NIBAN1: variants seen among roughly 807,000 people sequenced by gnomAD.
The protein encoded by NIBAN1 is protein Niban 1.
Under a neutral mutation model 75.1 loss-of-function variants are expected in NIBAN1, and 81 were observed. The observed-to-expected ratio is 1.08, with a 90% CI of 0.90 to 1.30. The LOEUF (loss-of-function observed/expected upper bound fraction) is 1.30. Ranked by LOEUF, NIBAN1 falls within the 50% of genes most tolerant of loss-of-function variation. The probability of loss-of-function intolerance (pLI) is 0.00; values close to 1 mark genes in which losing one functional copy is unlikely to be tolerated. For missense variants in NIBAN1, 1,133 were observed against 1,128.1 expected (o/e 1.00, Z -0.06); for synonymous variants, 436 against 424.8 (o/e 1.03, Z -0.32).
At chr1:184,919,490 G>C (rs1343873541) in intron 1 of NIBAN1, among the ~76,000 whole-genome samples, 2 of 152,190 alleles carry the variant, frequency 1.3e-5, no homozygotes, top group South Asian at 2.1e-4. Flanking sequence ...ATCCGATTCA[G>C]TGCAAAGGGG....
chr1:184,898,804 G>A (rs576003263), intron 2 of NIBAN1, among the ~76,000 whole-genome samples: 13 of 152,270 alleles, frequency 8.5e-5, no homozygotes, highest in African/African-American at 2.9e-4. Context: ...AACATTTGTC[G>A]AGGTGGTGGT....
intron 1 of NIBAN1, among the ~76,000 whole-genome samples, chr1:184,944,061 T>C (rs1401787466): frequency 1.3e-5 from 2 of 152,214 alleles, no homozygotes; most frequent in Non-Finnish European, 2.9e-5. Flanking sequence ...TGCTGATTGC[T>C]GTCTTTGTGT....
intron 5 of NIBAN1, among the ~76,000 whole-genome samples, chr1:184,879,308 G>A (rs918573626): frequency 2.6e-5 from 4 of 152,066 alleles, no homozygotes; most frequent in African/African-American, 7.2e-5. Context: ...AACATTATTA[G>A]TTTGTACTAA....
chr1:184,795,697 G>T lies in NIBAN1; in HGVS notation c.2067C>A (p.Thr689=). 6.2e-7 allele frequency: 1 copy of T among 1,613,996 alleles called. No homozygotes were observed. The highest frequency in any genetic ancestry group is 8.5e-7 in the Non-Finnish European group (1 of 1,179,952). The change falls in exon 14 of 14, where the codon ACC becomes ACA. Residue 689 remains threonine, a synonymous_variant. Transcript: ENST00000367511. The stretch of plus-strand genomic sequence containing the variant: ...CCTGGGCGGGTTCTTCATCCTCAAG[G>T]GTCCCTCCAAACTCCAGCTCTGATG... ...TCSSELEFGG[T]LEDEEPAQEE...
intron 5 of NIBAN1, among the ~76,000 whole-genome samples, chr1:184,840,709 A>G (rs1655263256): frequency 6.6e-6 from 1 of 150,958 alleles, no homozygotes; most frequent in South Asian, 2.1e-4. Context: ...TCAGATAGAC[A>G]TACTAGATTG....
At chr1:184,869,733 GT>G (rs1396832395) in intron 5 of NIBAN1, among the ~76,000 whole-genome samples, 6 of 151,950 alleles carry the variant, frequency 3.9e-5, no homozygotes, top group African/African-American at 1.5e-4. Flanking sequence ...GTAGAGATGG[GT>G]TTTCACCATG....
intron 6 of NIBAN1, among the ~76,000 whole-genome samples, chr1:184,829,522 G>C (rs1046149181): frequency 6.8e-6 from 1 of 148,120 alleles, no homozygotes; most frequent in Non-Finnish European, 1.5e-5. Flanking sequence ...GCTGGAGTAG[G>C]GTGGCATGAT....
chr1:184,885,831 C>G (rs1656510883), intron 4 of NIBAN1, among the ~76,000 whole-genome samples: 1 of 152,228 alleles, frequency 6.6e-6, no homozygotes, highest in South Asian at 2.1e-4. Flanking sequence ...ACAACCCCTT[C>G]TTTTGAAAAC....
At chr1:184,940,653 ATATGATTCC>A (rs1368038946) in intron 1 of NIBAN1, among the ~76,000 whole-genome samples, 1 of 152,246 alleles carries the variant, frequency 6.6e-6, no homozygotes, top group African/African-American at 2.4e-5. Context: ...TCTGATAATA[ATATGATTCC>A]TATTAACTTC....
intron 1 of NIBAN1, among the ~76,000 whole-genome samples, chr1:184,931,983 G>T (rs1657836792): frequency 6.6e-6 from 1 of 152,038 alleles, no homozygotes; most frequent in South Asian, 2.1e-4. Context: ...CTCATATACT[G>T]CCCAGCTATT....
In NIBAN1 at chr1:184,823,689, C is replaced by T. The variant is rs983886029; in HGVS notation, c.771G>A (p.Leu257=). The change falls in exon 7 of 14, where the codon CTG becomes CTA. Residue 257 remains leucine, a synonymous_variant. Coordinates refer to ENST00000367511, the MANE Select transcript of NIBAN1 (RefSeq NM_052966.4). ...EELLPTLQTD[L]LPKMKGKKND... ...TCTTCTTCCCCTTCATCTTAGGCAG[C>T]AGGTCTGTCTGAAGAGTGGGCAGGA... is the stretch of plus-strand genomic sequence containing the variant. 1.2e-6 allele frequency: 2 copies of T among 1,614,028 alleles called. No individual in the cohort carries two copies. The highest frequency in any genetic ancestry group is 1.7e-6 in the Non-Finnish European group (2 of 1,179,992).
chr1:184,820,944 G>A (rs1381268578), intron 8 of NIBAN1, among the ~76,000 whole-genome samples: 2 of 152,116 alleles, frequency 1.3e-5, no homozygotes, highest in East Asian at 1.9e-4. Context: ...TGGCATTATC[G>A]TTTTTTCCAG....
intron 5 of NIBAN1, among the ~76,000 whole-genome samples, chr1:184,869,251 A>AGAGGTATTTTAT (rs1163759324): frequency 6.6e-6 from 1 of 152,180 alleles, no homozygotes; most frequent in Admixed American, 6.5e-5. Context: ...ATTTTATCTT[A>AGAGGTATTTTAT]CTAGTGGAGA....
chr1:184,909,796 T>C (rs1007522235), intron 1 of NIBAN1, among the ~76,000 whole-genome samples: 5 of 152,214 alleles, frequency 3.3e-5, no homozygotes, highest in Middle Eastern at 6.3e-3. Flanking sequence ...TAATAAAATC[T>C]GACCTAGAAC....
intron 1 of NIBAN1, among the ~76,000 whole-genome samples, chr1:184,967,181 A>G (rs974465130): frequency 1.3e-5 from 2 of 149,080 alleles, no homozygotes; most frequent in African/African-American, 4.9e-5. Context: ...GTTCTGTTAA[A>G]TCTCTTTCTC....
At chr1:184,831,106 G>C (rs1263355612) in intron 6 of NIBAN1, among the ~76,000 whole-genome samples, 1 of 152,102 alleles carries the variant, frequency 6.6e-6, no homozygotes. Flanking sequence ...TGTCATCATG[G>C]AGGCTGGGGT....
chr1:184,894,016 A>C, intron 3 of NIBAN1, 59 bp downstream of exon 3: 1 of 1,513,274 alleles, frequency 6.6e-7, no homozygotes. Context: ...CACACCAATC[A>C]ACCGAGCCAA....
intron 1 of NIBAN1, among the ~76,000 whole-genome samples, chr1:184,973,172 C>T (rs1285803820): frequency 6.6e-6 from 1 of 152,170 alleles, no homozygotes; most frequent in Non-Finnish European, 1.5e-5. Context: ...AGTGTTATCC[C>T]CTGACAGTAC....
chr1:184,891,637 G>A (rs1160501100), intron 3 of NIBAN1, among the ~76,000 whole-genome samples: 3 of 152,126 alleles, frequency 2.0e-5, no homozygotes, highest in Admixed American at 1.3e-4. Flanking sequence ...GCAGTGAGTA[G>A]GTGACACATC....
Sources: gnomAD v4.1 joint callset for allele counts (sites outside exome capture counted in the v4.1 genomes callset) on GRCh38, gnomAD v4.1.1 for gene constraint, MANE v1.5 for transcripts, NCBI Gene and HGNC (gene_info 2026-07-23, HGNC 2026-07-21) for gene names.